The following CDH8 variants were observed in gnomAD, a reference collection of about 807,000 sequenced individuals.
CDH8 encodes the protein cadherin 8.
A neutral mutation model predicts 68.1 loss-of-function variants in CDH8; 17 were observed. The ratio of observed to expected loss-of-function variants is 0.25; its 90% CI spans 0.17 to 0.37. The LOEUF (loss-of-function observed/expected upper bound fraction) is 0.37. Among genes scored for constraint, CDH8 ranks in the 10% least tolerant of loss-of-function variants. The pLI is 1.00. For missense variants in CDH8, 763 were observed against 999.3 expected, an observed-to-expected ratio of 0.76 and a Z score of 3.19; for synonymous variants, 372 against 365.1, an observed-to-expected ratio of 1.02 and a Z score of -0.21.
chr16:61,923,913 A>G (rs904387699), intron 2 of CDH8, among the ~76,000 whole-genome samples: 1 of 149,752 alleles, frequency 6.7e-6, no homozygotes, highest in African/African-American at 2.4e-5. Flanking sequence ...ATCTCTTTAG[A>G]ACAGGGTAAA....
intron 8 of CDH8, among the ~76,000 whole-genome samples, chr16:61,739,233 A>G (rs897057746): frequency 6.6e-6 from 1 of 152,056 alleles, no homozygotes; most frequent in African/African-American, 2.4e-5. Context: ...AATCTCTTAT[A>G]TTTTAGAACC....
chr16:61,787,497 T>C (rs1442919977), intron 8 of CDH8, among the ~76,000 whole-genome samples: 1 of 141,110 alleles, frequency 7.1e-6, no homozygotes, highest in East Asian at 2.1e-4. Context: ...TTGGTGGGAC[T>C]GGAAACTAGT....
chr16:61,765,307 C>A lies in CDH8; in HGVS notation c.1414+24039G>T, dbSNP rs1315462941. Reference sequence around the variant, plus strand: ...AATAAATCAATAAAGAGATGATCTTCAAATACTTTAGGCTGACATTTCAGT... The same window carrying A: ...AATAAATCAATAAAGAGATGATCTTAAAATACTTTAGGCTGACATTTCAGT... On this transcript the variant is annotated intron_variant, in intron 8 of 11. Coordinates refer to ENST00000577390, the MANE Select transcript of CDH8 (RefSeq NM_001796.5). 2.0e-5 allele frequency among the ~76,000 whole-genome samples: 3 copies of A among 151,912 alleles called. No individual in the cohort carries two copies. The East Asian group carries it at 5.8e-4, about 29-fold the overall frequency.
chr16:61,780,439 G>T (rs1961020031), intron 8 of CDH8, among the ~76,000 whole-genome samples: 1 of 152,188 alleles, frequency 6.6e-6, no homozygotes, highest in South Asian at 2.1e-4. Context: ...GATAAAGAAT[G>T]ACATCTCCAT....
In CDH8 at chr16:61,736,115, G is replaced by GAAA. The variant is rs761718578; in HGVS notation, c.1415-8901_1415-8900insTTT. Among the ~76,000 whole-genome samples the GAAA allele has an allele frequency of 7.3e-3, 842 of 115,564 alleles. 3 individuals are homozygous for GAAA. Among genetic ancestry groups the GAAA allele is most frequent in the African/African-American group, 0.014 (482 of 34,530 alleles). 75.8% of individuals were successfully genotyped at this position (115,564 alleles called of 152,430 possible). A position where few individuals can be genotyped will look rare whatever the true frequency, so the allele number is the denominator to read the frequency against. On this transcript the variant is annotated intron_variant, in intron 8 of 11. Transcript: ENST00000577390. ...AGAAAGAAGGAAAGAAAGAAAGAAA[G>GAAA]GAAGGAAGGAAGGAAGGAAGGAAGG... is the stretch of plus-strand genomic sequence containing the variant.
chr16:61,991,788 T>A (rs1965726025), intron 2 of CDH8, among the ~76,000 whole-genome samples: 1 of 152,164 alleles, frequency 6.6e-6, no homozygotes, highest in Non-Finnish European at 1.5e-5. Flanking sequence ...GAGTTAGCAG[T>A]TCTCTTTTCT....
chr16:61,784,198 C>T (rs1193028897), intron 8 of CDH8, among the ~76,000 whole-genome samples: 6 of 152,026 alleles, frequency 3.9e-5, no homozygotes, highest in Admixed American at 6.6e-5. Flanking sequence ...ACCCATCTCA[C>T]GTGCAGAGAC....
chr16:61,966,116 G>A (rs1383244630), intron 2 of CDH8, among the ~76,000 whole-genome samples: 3 of 152,086 alleles, frequency 2.0e-5, no homozygotes, highest in African/African-American at 4.8e-5. Context: ...CTTTGAAAAT[G>A]TTACTTTGAA....
At chr16:61,897,412 C>G (rs1311039299) in intron 3 of CDH8, among the ~76,000 whole-genome samples, 2 of 152,110 alleles carry the variant, frequency 1.3e-5, no homozygotes, top group Non-Finnish European at 2.9e-5. Flanking sequence ...GCCACCACAC[C>G]CAGCTAATTT....
intron 2 of CDH8, among the ~76,000 whole-genome samples, chr16:61,932,161 G>A (rs1488541393): frequency 8.0e-5 from 12 of 149,654 alleles, no homozygotes; most frequent in Non-Finnish European, 1.5e-4. Context: ...GAGCCGAGAA[G>A]GCGCCACTGC....
chr16:62,026,546 C>T (rs142716390), intron 1 of CDH8, among the ~76,000 whole-genome samples: 52 of 152,296 alleles, frequency 3.4e-4, no homozygotes, highest in African/African-American at 9.9e-4. Context: ...ACTTAACCAC[C>T]GCTGTGAATA....
intron 2 of CDH8, among the ~76,000 whole-genome samples, chr16:61,951,486 C>G (rs895498813): frequency 7.1e-6 from 1 of 140,948 alleles, no homozygotes; most frequent in African/African-American, 2.8e-5. Context: ...GCACTCCAGC[C>G]TGGGCAACAG....
At position 61,801,810 on chromosome 16, in the gene CDH8, G is replaced by A. The variant is rs1479976739; in HGVS notation, c.1278-12328C>T. Among the ~76,000 whole-genome samples the A allele has an allele frequency of 5.3e-5, 8 of 152,326 alleles. No homozygotes were observed. In the South Asian group the frequency reaches 1.7e-3, roughly 32 times the overall value. On this transcript the variant is annotated intron_variant, in intron 7 of 11. Coordinates refer to ENST00000577390, the MANE Select transcript of CDH8 (RefSeq NM_001796.5). ...TTATATCCCACACCTGGCTCGGAGG[G>A]CCCTACGCCCACGGAGTCTCGCTGA...
chr16:61,913,549 T>C (rs978265887), intron 2 of CDH8, among the ~76,000 whole-genome samples: 9 of 152,116 alleles, frequency 5.9e-5, no homozygotes, highest in Non-Finnish European at 8.8e-5. Flanking sequence ...TAGTATGCCA[T>C]CGGGTCATTC....
intron 11 of CDH8, 57 bp from the exon 12 acceptor site, chr16:61,654,158 A>T: frequency 6.6e-6 from 10 of 1,509,480 alleles, no homozygotes; most frequent in Non-Finnish European, 9.1e-6. Flanking sequence ...TTCACAAGCA[A>T]CACACTATAT....
intron 7 of CDH8, among the ~76,000 whole-genome samples, chr16:61,793,311 G>A (rs1275607311): frequency 6.6e-6 from 1 of 151,766 alleles, no homozygotes; most frequent in Non-Finnish European, 1.5e-5. Flanking sequence ...TATTACATAG[G>A]TAAATGTGTG....
intron 2 of CDH8, among the ~76,000 whole-genome samples, chr16:61,986,752 T>C (rs1009854215): frequency 2.0e-5 from 3 of 152,172 alleles, no homozygotes; most frequent in African/African-American, 7.2e-5. Flanking sequence ...ATGGAGTCTG[T>C]GAGACACTGG....
chr16:61,762,003 A>G (rs1960482729), intron 8 of CDH8, among the ~76,000 whole-genome samples: 1 of 152,134 alleles, frequency 6.6e-6, no homozygotes. Flanking sequence ...TTTGTCTCAA[A>G]AAATAAGTAA....
intron 7 of CDH8, among the ~76,000 whole-genome samples, chr16:61,801,785 T>C (rs1006764866): frequency 6.6e-6 from 1 of 152,172 alleles, no homozygotes; most frequent in Non-Finnish European, 1.5e-5. Context: ...AACCATGAGA[T>C]TATATCCCAC....
Sources: allele counts gnomAD v4.1 joint callset (sites outside exome capture counted in the v4.1 genomes callset), GRCh38; gene constraint gnomAD v4.1.1; transcripts MANE v1.5; gene names NCBI Gene and HGNC (gene_info 2026-07-23, HGNC 2026-07-21).